CD36: variants seen among roughly 807,000 people sequenced by gnomAD.
The protein encoded by CD36 is platelet glycoprotein 4.
A neutral mutation model predicts 55.2 loss-of-function variants in CD36; 119 were observed. The observed-to-expected ratio is 2.15, with a 90% CI of 1.86 to 2.51. The LOEUF (loss-of-function observed/expected upper bound fraction) is 2.51, where lower values mean the gene tolerates loss of function less well. Ranked by LOEUF, CD36 falls within the 30% of genes most tolerant of loss-of-function variation. The pLI is 0.00. For synonymous variants in CD36, 186 were observed against 193.6 expected (o/e 0.96, Z 0.33); for missense variants, 819 against 555.5 (o/e 1.47, Z -4.77).
At position 80,672,887 on chromosome 7, in the gene CD36, CGTA is replaced by C. The variant is rs1283467929; in HGVS notation, c.1199+48_1199+50del. 2.5e-6 allele frequency: 3 copies of C among 1,221,170 alleles called. No homozygotes were observed. The Admixed American group carries it at 5.2e-5, about 21-fold the overall frequency. 75.6% of individuals were successfully genotyped at this position (1,221,170 alleles called of 1,614,324 possible). The stretch of plus-strand genomic sequence containing the variant: ...GTTATTTTGATATGATCTGTAGTAT[CGTA>C]GTATCTTCTTGTAAGAACATGAGTA... On this transcript the variant is annotated intron_variant, in intron 12 of 14. Transcript: ENST00000447544.
At chr7:80,638,836 C>A (rs976773684) in intron 1 of CD36, 90 bp downstream of exon 1, 13 of 151,312 alleles carry the variant, frequency 8.6e-5, no homozygotes, top group African/African-American at 3.1e-4. Flanking sequence ...TGTATAAATA[C>A]TCCTAAGAAG....
intron 8 of CD36, among the ~76,000 whole-genome samples, chr7:80,668,618 A>T (rs967978844): frequency 1.3e-5 from 2 of 152,192 alleles, no homozygotes; most frequent in African/African-American, 4.8e-5. Flanking sequence ...TATAATTAGG[A>T]CATAATCTTC....
intron 1 of CD36, among the ~76,000 whole-genome samples, chr7:80,607,191 A>G (rs904798598): frequency 1.3e-5 from 2 of 152,202 alleles, no homozygotes; most frequent in Non-Finnish European, 2.9e-5. Context: ...TTCTGTACAT[A>G]GTAACAGCAA....
chr7:80,628,976 A>G (rs538935819), intron 1 of CD36, among the ~76,000 whole-genome samples: 2 of 152,218 alleles, frequency 1.3e-5, no homozygotes, highest in South Asian at 4.1e-4. Context: ...CTCAGCGAGC[A>G]GAGGAATGAC....
rs1797876063 is a variant in CD36, at chr7:80,673,080, A to C, written c.1199+237A>C. The C allele has an allele frequency of 1.1e-5, 6 of 536,276 alleles. No homozygotes were observed. In the Admixed American group the frequency reaches 2.1e-4, roughly 19 times the overall value. The allele number at this position is 536,276 out of a possible 1,614,324, so 33.2% of individuals were successfully genotyped here. ...CTCTTATTTTGTTAGCTGCCCAAAT[A>C]TTTCTATGACAATAATTAATTTTTG... On this transcript the variant is annotated intron_variant, in intron 12 of 14. Coordinates refer to ENST00000447544, the MANE Select transcript of CD36 (RefSeq NM_001001548.3).
intron 1 of CD36, chr7:80,633,155 T>G (rs1217054950): frequency 1.3e-5 from 2 of 152,060 alleles, no homozygotes; most frequent in African/African-American, 2.4e-5. Flanking sequence ...CTTATGTTTC[T>G]TACCATCATT....
chr7:80,641,205 T>C (rs1226572638), intron 1 of CD36, among the ~76,000 whole-genome samples: 1 of 152,074 alleles, frequency 6.6e-6, no homozygotes, highest in Non-Finnish European at 1.5e-5. Context: ...CTAAACATGA[T>C]TTTATAAAGA....
chr7:80,612,337 G>T (rs1393278837), intron 1 of CD36, among the ~76,000 whole-genome samples: 1 of 152,246 alleles, frequency 6.6e-6, no homozygotes, highest in Admixed American at 6.5e-5. Flanking sequence ...TGCACAAATT[G>T]TTTGGGGGCA....
Position 80,662,997 on chromosome 7 carries a change from C to T in CD36, c.437C>T (p.Ser146Phe). The change falls in exon 6 of 15, where the codon TCC becomes TTC. Residue 146 changes from serine (S) to phenylalanine (F), a missense_variant. Transcript: ENST00000447544. ...GTGACTTTGTTTTTGTAGGCTGCAT[C>T]CCATATCTATCAAAATCAATTTGTT... ...TVLNLAVAAASHIYQNQFVQM... is the reference protein window; with the variant it reads ...TVLNLAVAAAFHIYQNQFVQM... The T allele has an allele frequency of 1.2e-6, 2 of 1,611,298 alleles. No homozygotes were observed. The highest frequency in any genetic ancestry group is 2.2e-5 in the South Asian group (2 of 90,960).
intron 3 of CD36, among the ~76,000 whole-genome samples, chr7:80,651,295 AT>A (rs1298148545): frequency 2.0e-5 from 3 of 152,128 alleles, no homozygotes; most frequent in Admixed American, 6.5e-5. Context: ...TACTATGCTT[AT>A]TACCTGCGTG....
At chr7:80,626,812 A>C (rs1793769683) in intron 1 of CD36, among the ~76,000 whole-genome samples, 5 of 152,042 alleles carry the variant, frequency 3.3e-5, no homozygotes. Flanking sequence ...CCTGTAGTAC[A>C]TTTACAAAAA....
At position 80,674,165 on chromosome 7, in the gene CD36, A is replaced by C. The variant is rs747274668; in HGVS notation, c.*18A>C. On this transcript the variant is annotated intron_variant, in intron 14 of 14. Transcript: ENST00000447544. The stretch of plus-strand genomic sequence containing the variant: ...TAAAATAAGTAAGTATGTACCAAAA[A>C]ATATTGCTTCAATAATATTAGCTTA... 16 of 1,567,330 alleles carry C rather than the reference A, an allele frequency of 1.0e-5. No individual in the cohort carries two copies. The highest frequency in any genetic ancestry group is 1.7e-4 in the Middle Eastern group (1 of 5,948).
At chr7:80,636,273 T>A (rs1392692113), upstream of CD36, among the ~76,000 whole-genome samples, 1 of 151,832 alleles carries the variant, frequency 6.6e-6, no homozygotes, top group Non-Finnish European at 1.5e-5. Flanking sequence ...ACTACTCATC[T>A]CTTAGCTCTT....
chr7:80,605,063 A>G (rs1792466324), intron 1 of CD36, among the ~76,000 whole-genome samples: 1 of 152,152 alleles, frequency 6.6e-6, no homozygotes, highest in Non-Finnish European at 1.5e-5. Flanking sequence ...GTTCAATACA[A>G]TGGTCTCAGA....
At chr7:80,604,259 G>A (rs1792407444) in intron 1 of CD36, among the ~76,000 whole-genome samples, 1 of 148,352 alleles carries the variant, frequency 6.7e-6, no homozygotes, top group South Asian at 2.1e-4. Context: ...ACAGATATAA[G>A]TGTGCAATGA....
rs1020513864 is a variant in CD36 at position 80,679,038 on chromosome 7, A to G, written c.*2655A>G. The G allele has an allele frequency of 2.0e-5, 3 of 152,078 alleles. No individual in the cohort carries two copies. Among genetic ancestry groups the G allele is most frequent in the Non-Finnish European group, 4.4e-5 (3 of 68,040 alleles). The allele number at this position is 152,078 out of a possible 1,614,324, so 9.4% of individuals were successfully genotyped here. A position where few individuals can be genotyped will look rare whatever the true frequency, so the allele number is the denominator to read the frequency against. ...CCCCTTGTGGCCTGTCTACAATTCT[A>G]AATGGATTTTGAACTCAATGTCGTC... On this transcript the variant is annotated 3_prime_UTR_variant, in exon 15 of 15. Transcript: ENST00000447544.
chr7:80,673,075 C>A (rs1037708412), intron 12 of CD36: 2 of 525,034 alleles, frequency 3.8e-6, no homozygotes, highest in Non-Finnish European at 6.7e-6. Flanking sequence ...GTTAGCTGCC[C>A]AAATATTTCT....
chr7:80,665,319 A>G (rs1212624386), intron 7 of CD36, among the ~76,000 whole-genome samples: 2 of 152,116 alleles, frequency 1.3e-5, no homozygotes, highest in African/African-American at 2.4e-5. Context: ...TAAAATTAAC[A>G]ATTGTGTGTT....
At chr7:80,670,173 GTAC>G in intron 9 of CD36, 151 bp downstream of exon 9, 1 of 619,550 alleles carries the variant, frequency 1.6e-6, no homozygotes, top group Middle Eastern at 3.0e-4. Flanking sequence ...ATTTTTAATA[GTAC>G]AAATTTTTTT....
Sources: gnomAD v4.1 joint callset for allele counts (sites outside exome capture counted in the v4.1 genomes callset) on GRCh38, gnomAD v4.1.1 for gene constraint, MANE v1.5 for transcripts, NCBI Gene and HGNC (gene_info 2026-07-23, HGNC 2026-07-21) for gene names.